The following ANXA8 variants were observed in gnomAD, a reference collection of about 807,000 sequenced individuals.
ANXA8 encodes VAC-beta.
ANXA8 carries 9 observed loss-of-function variants against 26.8 expected under a neutral mutation model. The ratio of observed to expected loss-of-function variants is 0.34; its 90% CI spans 0.20 to 0.59. The LOEUF (loss-of-function observed/expected upper bound fraction) is 0.59, where lower values mean the gene tolerates loss of function less well. ANXA8 is among the 20% of genes least tolerant of loss of function. ANXA8 has a pLI of 0.84. For missense variants in ANXA8, 83 were observed against 238.5 expected (o/e 0.35, Z 4.29); for synonymous variants, 39 against 94.8 (o/e 0.41, Z 3.42).
the ANXA8 span, among the ~76,000 whole-genome samples, chr10:47,648,302 G>A: frequency 6.6e-6 from 1 of 151,386 alleles, no homozygotes; most frequent in African/African-American, 2.4e-5. Context: ...TCCCCATCAC[G>A]GCATCATAGC....
chr10:47,501,078 A>G, the ANXA8 span, among the ~76,000 whole-genome samples: 182 of 132,386 alleles, frequency 1.4e-3, 1 homozygote, highest in African/African-American at 5.0e-3. Flanking sequence ...TTTTTTTTGT[A>G]TTTTTAGCAG....
the ANXA8 span, among the ~76,000 whole-genome samples, chr10:47,956,996 C>T: frequency 1.2e-3 from 178 of 150,528 alleles, 22 homozygotes; most frequent in East Asian, 0.035. Context: ...AGTATCCTTC[C>T]CTTAGTATCT....
chr10:47,699,840 A>T, the ANXA8 span, among the ~76,000 whole-genome samples: 2 of 151,294 alleles, frequency 1.3e-5, no homozygotes, highest in Non-Finnish European at 3.0e-5. Context: ...TCAAAAAAAA[A>T]TAATAATAAT....
chr10:47,540,393 A>G, the ANXA8 span, among the ~76,000 whole-genome samples: 80 of 118,038 alleles, frequency 6.8e-4, 3 homozygotes, highest in African/African-American at 2.2e-3. Flanking sequence ...CTAACACCAC[A>G]CTTCAAAAGA....
chr10:47,657,392 A>G, the ANXA8 span, among the ~76,000 whole-genome samples: 8 of 151,954 alleles, frequency 5.3e-5, no homozygotes, highest in African/African-American at 1.9e-4. Context: ...AGCAGTATTT[A>G]TTTAGTTTTG....
At chr10:47,486,481 T>G (rs1243159774), upstream of ANXA8, among the ~76,000 whole-genome samples, 6 of 138,770 alleles carry the variant, frequency 4.3e-5, no homozygotes, top group East Asian at 2.8e-4. Flanking sequence ...AAGATCTTAC[T>G]TAGCATGACA....
At chr10:47,700,975 A>T in the ANXA8 span, among the ~76,000 whole-genome samples, 1 of 151,492 alleles carries the variant, frequency 6.6e-6, no homozygotes, top group Non-Finnish European at 1.5e-5. Context: ...CCAGCTACAT[A>T]GGAGGCTGAG....
chr10:47,604,700 G>T, the ANXA8 span, among the ~76,000 whole-genome samples: 1 of 152,196 alleles, frequency 6.6e-6, no homozygotes, highest in South Asian at 2.1e-4. Flanking sequence ...TTTATATGCA[G>T]CTATTTGTAG....
the ANXA8 span, chr10:47,589,306 C>T: frequency 2.7e-5 from 4 of 147,288 alleles, no homozygotes; most frequent in Non-Finnish European, 5.9e-5. Flanking sequence ...TGACCATCTC[C>T]TTTAAAGCTC....
At chr10:47,755,647 A>G in the ANXA8 span, among the ~76,000 whole-genome samples, 26 of 132,954 alleles carry the variant, frequency 2.0e-4, no homozygotes, top group African/African-American at 6.0e-4. Context: ...AGTAGCTGGG[A>G]TTACAGGGGT....
the ANXA8 span, among the ~76,000 whole-genome samples, chr10:47,942,493 T>A: frequency 7.2e-6 from 1 of 139,690 alleles, no homozygotes. Context: ...GGCAGTCCAC[T>A]TTTCTCCCAC....
chr10:47,502,250 C>T, the ANXA8 span: 2 of 1,593,510 alleles, frequency 1.3e-6, no homozygotes, highest in Non-Finnish European at 1.7e-6. Context: ...AGATGGAGTG[C>T]CGTGCAGCCG....
the ANXA8 span, among the ~76,000 whole-genome samples, chr10:47,695,182 C>T: frequency 6.6e-6 from 1 of 151,366 alleles, no homozygotes; most frequent in African/African-American, 2.4e-5. Context: ...TGGGGAACCA[C>T]TGTTTTTTAG....
At chr10:47,568,341 GT>G in the ANXA8 span, among the ~76,000 whole-genome samples, 3 of 37,850 alleles carry the variant, frequency 7.9e-5, no homozygotes, top group Non-Finnish European at 1.7e-4. Context: ...AGTGATATTT[GT>G]GCACACAGTG....
chr10:47,742,073 TA>T, the ANXA8 span, among the ~76,000 whole-genome samples: 7 of 109,580 alleles, frequency 6.4e-5, no homozygotes, highest in African/African-American at 2.0e-4. Context: ...CTCCCAGGCT[TA>T]GGTGAGCCTC....
chr10:47,757,252 A>AGCACAACC, the ANXA8 span: 1 of 357,814 alleles, frequency 2.8e-6, no homozygotes, highest in Non-Finnish European at 3.7e-6. Context: ...CTTGGCACGC[A>AGCACAACC]GCACAACCAC....
chr10:47,530,692 C>CAAAA, the ANXA8 span, among the ~76,000 whole-genome samples: 17 of 115,574 alleles, frequency 1.5e-4, no homozygotes, highest in East Asian at 1.1e-3. Context: ...GACTCCCTCT[C>CAAAA]AAAAAAAAAA....
chr10:47,550,057 C>T, the ANXA8 span, among the ~76,000 whole-genome samples: 2 of 151,828 alleles, frequency 1.3e-5, no homozygotes, highest in Non-Finnish European at 2.9e-5. Context: ...GTTGAGGCTG[C>T]AGTGAGCTGT....
the ANXA8 span, among the ~76,000 whole-genome samples, chr10:47,680,722 T>C: frequency 6.6e-6 from 1 of 152,046 alleles, no homozygotes; most frequent in Non-Finnish European, 1.5e-5. Context: ...AATTCTCTTG[T>C]ACTTACCAGC....
Sources: gnomAD v4.1 joint callset for allele counts (sites outside exome capture counted in the v4.1 genomes callset) on GRCh38, gnomAD v4.1.1 for gene constraint, MANE v1.5 for transcripts, NCBI Gene and HGNC (gene_info 2026-07-23, HGNC 2026-07-21) for gene names.